The following NAPSA variants were observed in gnomAD, a reference collection of about 807,000 sequenced individuals.
The protein encoded by NAPSA is napsin-A.
In NAPSA, 37 loss-of-function variants were observed where a neutral mutation model predicts 36.7. The observed-to-expected ratio is 1.01, with a 90% CI of 0.78 to 1.33. NAPSA has a LOEUF of 1.33. Ranked by LOEUF, NAPSA falls within the 40% of genes most tolerant of loss-of-function variation. The pLI, the probability that NAPSA is intolerant of heterozygous loss-of-function variation, is 0.00. For missense variants in NAPSA, 532 were observed against 543.8 expected, an observed-to-expected ratio of 0.98 and a Z score of 0.21; for synonymous variants, 222 against 234.5, an observed-to-expected ratio of 0.95 and a Z score of 0.49.
In NAPSA at chr19:50,360,928, C is replaced by G; in HGVS notation, c.668+13G>C. Reference sequence around the variant, plus strand: ...GGGATAGGACTCATAGATAGGTGCACACTTCCCAGTACCTGTTGAGGTAAA... The same window carrying G: ...GGGATAGGACTCATAGATAGGTGCAGACTTCCCAGTACCTGTTGAGGTAAA... On this transcript the variant is annotated intron_variant, in intron 5 of 8. Coordinates refer to ENST00000253719, the MANE Select transcript of NAPSA (RefSeq NM_004851.3). 1 of 1,611,786 alleles carries G rather than the reference C, an allele frequency of 6.2e-7. No homozygotes were observed. Among genetic ancestry groups the G allele is most frequent in the South Asian group, 1.1e-5 (1 of 90,998 alleles).
At chr19:50,367,553 T>C (rs1023997164), upstream of NAPSA, among the ~76,000 whole-genome samples, 5 of 126,168 alleles carry the variant, frequency 4.0e-5, no homozygotes, top group South Asian at 7.2e-4. Flanking sequence ...TCTCTCCCTC[T>C]CTCTCTCTCT....
intron 1 of NAPSA, among the ~76,000 whole-genome samples, chr19:50,363,299 T>A (rs1252522642): frequency 1.3e-5 from 2 of 151,986 alleles, no homozygotes; most frequent in Non-Finnish European, 2.9e-5. Flanking sequence ...AAAAGAGAGA[T>A]GGGGGCGGGG....
At chr19:50,362,481 C>G in intron 1 of NAPSA, 168 bp from the exon 2 acceptor site, 1 of 558,078 alleles carries the variant, frequency 1.8e-6, no homozygotes, top group Non-Finnish European at 3.0e-6. Flanking sequence ...ATCAAAGATG[C>G]CATGATGACA....
intron 7 of NAPSA, 78 bp from the exon 8 acceptor site, chr19:50,359,187 G>C: frequency 1.5e-6 from 2 of 1,306,682 alleles, no homozygotes; most frequent in Non-Finnish European, 1.1e-6. Context: ...CAGTGCCATA[G>C]GGTAATTTCC....
chr19:50,361,332 C>G (rs1437707346), intron 4 of NAPSA, 192 bp from the exon 5 acceptor site: 1 of 601,958 alleles, frequency 1.7e-6, no homozygotes. Context: ...CTTGAGAAGC[C>G]CCACCTCTTC....
At chr19:50,368,719 C>T (rs1217500517), upstream of NAPSA, among the ~76,000 whole-genome samples, 1 of 152,172 alleles carries the variant, frequency 6.6e-6, no homozygotes, top group Non-Finnish European at 1.5e-5. Context: ...GTTTGAGAGG[C>T]CGTGCCTGCA....
At chr19:50,359,228 T>C (rs1601122862) in intron 7 of NAPSA, 119 bp from the exon 8 acceptor site, 1 of 951,206 alleles carries the variant, frequency 1.1e-6, no homozygotes, top group African/African-American at 1.6e-5. Flanking sequence ...CAGCGTCCTG[T>C]GTGCAGAGGC....
chr19:50,359,361 C>T, intron 7 of NAPSA, 142 bp downstream of exon 7: 1 of 1,165,556 alleles, frequency 8.6e-7, no homozygotes, highest in East Asian at 2.5e-5. Flanking sequence ...CCACCACCCT[C>T]CAGACTATCT....
At chr19:50,363,229 C>T (rs1435290347) in intron 1 of NAPSA, among the ~76,000 whole-genome samples, 2 of 152,074 alleles carry the variant, frequency 1.3e-5, no homozygotes, top group Non-Finnish European at 2.9e-5. Context: ...AAAACTCTTC[C>T]TGGAAGTGTA....
upstream of NAPSA, among the ~76,000 whole-genome samples, chr19:50,368,995 G>C (rs750968827): frequency 2.0e-5 from 3 of 152,246 alleles, no homozygotes; most frequent in East Asian, 5.8e-4. Context: ...CGGCCAATGG[G>C]ACCTGGATCT....
intron 5 of NAPSA, 62 bp downstream of exon 5, chr19:50,360,879 G>A: frequency 6.7e-7 from 1 of 1,499,832 alleles, no homozygotes; most frequent in Non-Finnish European, 9.1e-7. Flanking sequence ...GTGACTTCCT[G>A]AAGGAAGACT....
chr19:50,366,273 T>C (rs573623014), upstream of NAPSA, among the ~76,000 whole-genome samples: 24 of 152,064 alleles, frequency 1.6e-4, no homozygotes, highest in South Asian at 3.9e-3. Context: ...ACTAATTTTG[T>C]AGTTTTAGTA....
rs772722131 is a variant in NAPSA, at chr19:50,360,890, C to A, written c.668+51G>T. 3.3e-6 allele frequency: 5 copies of A among 1,522,072 alleles called. 1 individual carries two copies. In the South Asian group the frequency reaches 4.6e-5, roughly 14 times the overall value. 94.3% of individuals were successfully genotyped at this position (1,522,072 alleles called of 1,614,324 possible). ...GTCAGTGACTTCCTGAAGGAAGACT[C>A]TCTTCCTTCTTGGGGATAGGACTCA... On this transcript the variant is annotated intron_variant, in intron 5 of 8. Coordinates refer to ENST00000253719, the MANE Select transcript of NAPSA (RefSeq NM_004851.3).
rs764052423 is a variant in NAPSA, at chr19:50,358,524, AC to A, written c.*28del. 251 of 1,535,812 alleles carry A rather than the reference AC, an allele frequency of 1.6e-4. 1 individual carries two copies. The highest frequency in any genetic ancestry group is 2.1e-4 in the Non-Finnish European group (244 of 1,138,816). ...ACTGGGTAGCAGGACCTCCGCGACC[AC>A]CCGCTGCGCATGCGCTTCACTTGGG... is the stretch of plus-strand genomic sequence containing the variant. On this transcript the variant is annotated 3_prime_UTR_variant, in exon 9 of 9. Coordinates refer to ENST00000253719, the MANE Select transcript of NAPSA (RefSeq NM_004851.3).
At chr19:50,359,307 C>A (rs1046979765) in intron 7 of NAPSA, 196 bp downstream of exon 7, 18 of 864,008 alleles carry the variant, frequency 2.1e-5, no homozygotes, top group Non-Finnish European at 3.0e-5. Flanking sequence ...GGCCACCATC[C>A]GCAGAGTCGC....
intron 5 of NAPSA, among the ~76,000 whole-genome samples, chr19:50,360,132 A>T (rs954790181): frequency 3.3e-5 from 5 of 152,170 alleles, no homozygotes; most frequent in African/African-American, 1.2e-4. Context: ...TCCTGAGCTG[A>T]ATATCATAGT....
chr19:50,365,011 A>AATAATAAT (rs1555784614), intron 1 of NAPSA, among the ~76,000 whole-genome samples: 1 of 140,632 alleles, frequency 7.1e-6, no homozygotes, highest in African/African-American at 2.7e-5. Flanking sequence ...TAATAATAAT[A>AATAATAAT]AATAATAATA....
chr19:50,362,522 C>G (rs2037491682), intron 1 of NAPSA: 1 of 457,128 alleles, frequency 2.2e-6, no homozygotes. Context: ...AAGAGCAAAC[C>G]ATCCCAAACA....
intron 4 of NAPSA, 80 bp downstream of exon 4, chr19:50,361,583 G>T (rs2037473640): frequency 7.9e-7 from 1 of 1,264,416 alleles, no homozygotes; most frequent in Non-Finnish European, 1.2e-6. Flanking sequence ...GCTCCTCCTC[G>T]AGCCTCTTCC....
Sources: gnomAD v4.1 joint callset for allele counts (sites outside exome capture counted in the v4.1 genomes callset) on GRCh38, gnomAD v4.1.1 for gene constraint, MANE v1.5 for transcripts, NCBI Gene and HGNC (gene_info 2026-07-23, HGNC 2026-07-21) for gene names.